The following TRPC7 variants were observed in gnomAD, a reference collection of about 807,000 sequenced individuals.
The protein encoded by TRPC7 is short transient receptor potential channel 7.
A neutral mutation model predicts 90.1 loss-of-function variants in TRPC7; 42 were observed. The ratio of observed to expected loss-of-function variants is 0.47; its 90% CI spans 0.36 to 0.60. The LOEUF (loss-of-function observed/expected upper bound fraction) is 0.60. TRPC7 is among the 20% of genes least tolerant of loss of function. TRPC7 has a pLI of 0.00. For missense variants in TRPC7, 955 were observed against 1,112.3 expected (o/e 0.86, Z 2.01); for synonymous variants, 451 against 436.3 (o/e 1.03, Z -0.42).
At chr5:136,347,694 T>A (rs1473843737) in intron 2 of TRPC7, among the ~76,000 whole-genome samples, 1 of 152,190 alleles carries the variant, frequency 6.6e-6, no homozygotes, top group Non-Finnish European at 1.5e-5. Flanking sequence ...CAAGGTCAAT[T>A]TTCCATCAAA....
intron 3 of TRPC7, among the ~76,000 whole-genome samples, chr5:136,314,798 C>T (rs1253004736): frequency 1.3e-5 from 2 of 152,184 alleles, no homozygotes; most frequent in East Asian, 1.9e-4. Flanking sequence ...GACCAAACAG[C>T]TCCTTTGCTT....
At chr5:136,362,975 C>A (rs1403849783) in intron 1 of TRPC7, among the ~76,000 whole-genome samples, 1 of 152,088 alleles carries the variant, frequency 6.6e-6, no homozygotes, top group African/African-American at 2.4e-5. Context: ...TACACTGGAG[C>A]TGTTGGTGTT....
At chr5:136,361,338 T>C (rs865942589) in intron 1 of TRPC7, among the ~76,000 whole-genome samples, 2 of 152,238 alleles carry the variant, frequency 1.3e-5, no homozygotes, top group Middle Eastern at 3.2e-3. Flanking sequence ...TAACATTTGA[T>C]GTCATTTGGA....
chr5:136,321,778 GC>G (rs1759206804), intron 2 of TRPC7, among the ~76,000 whole-genome samples: 1 of 152,112 alleles, frequency 6.6e-6, no homozygotes. Flanking sequence ...AAATTGAAGT[GC>G]CTTACAAATG....
chr5:136,331,785 A>C (rs906391009), intron 2 of TRPC7, among the ~76,000 whole-genome samples: 3 of 152,144 alleles, frequency 2.0e-5, no homozygotes, highest in Non-Finnish European at 4.4e-5. Flanking sequence ...GATAACACAC[A>C]AGTCAGTCAT....
intron 6 of TRPC7, among the ~76,000 whole-genome samples, chr5:136,249,299 TTAGTA>T (rs1756446443): frequency 6.6e-6 from 1 of 152,132 alleles, no homozygotes; most frequent in African/African-American, 2.4e-5. Flanking sequence ...TAAGAAACCT[TTAGTA>T]AAGGAAGCCA....
intron 3 of TRPC7, chr5:136,314,433 A>G (rs1259458989): frequency 1.3e-5 from 2 of 152,348 alleles, no homozygotes; most frequent in Non-Finnish European, 2.9e-5. Context: ...CTGCAGCCTG[A>G]TTCTCCCAAC....
At chr5:136,364,953 G>T (rs531377768) in intron 1 of TRPC7, among the ~76,000 whole-genome samples, 2 of 152,104 alleles carry the variant, frequency 1.3e-5, no homozygotes, top group South Asian at 4.2e-4. Context: ...GGAAAGAAGA[G>T]ACAACACCTA....
intron 1 of TRPC7, among the ~76,000 whole-genome samples, chr5:136,362,610 G>A (rs1390422247): frequency 6.6e-6 from 1 of 152,088 alleles, no homozygotes; most frequent in African/African-American, 2.4e-5. Flanking sequence ...TGAAGTGATG[G>A]TCAAATTAAT....
intron 5 of TRPC7, among the ~76,000 whole-genome samples, chr5:136,256,936 C>T (rs958439353): frequency 2.6e-5 from 4 of 152,122 alleles, no homozygotes; most frequent in Non-Finnish European, 4.4e-5. Flanking sequence ...TGATAACAAT[C>T]GCCTTTGGGG....
chr5:136,354,494 C>A (rs953354495), intron 2 of TRPC7, among the ~76,000 whole-genome samples: 2 of 152,164 alleles, frequency 1.3e-5, no homozygotes, highest in Non-Finnish European at 2.9e-5. Context: ...GCCTTTCTGT[C>A]CCTGGCTTAT....
At chr5:136,350,138 T>G (rs1760143896) in intron 2 of TRPC7, among the ~76,000 whole-genome samples, 1 of 152,182 alleles carries the variant, frequency 6.6e-6, no homozygotes, top group Non-Finnish European at 1.5e-5. Context: ...TGCTTAAGGA[T>G]GCATTTCTCA....
chr5:136,329,448 G>T (rs1314931947), intron 2 of TRPC7, among the ~76,000 whole-genome samples: 2 of 152,052 alleles, frequency 1.3e-5, no homozygotes, highest in Non-Finnish European at 2.9e-5. Context: ...ACAGGGTTGG[G>T]GCATGCTACC....
intron 2 of TRPC7, among the ~76,000 whole-genome samples, chr5:136,332,504 C>A (rs1376186616): frequency 6.6e-6 from 1 of 152,060 alleles, no homozygotes; most frequent in East Asian, 1.9e-4. Flanking sequence ...AGAGCAAAAG[C>A]AGGAAGAGCA....
chr5:136,220,135 C>G (rs1048978071), intron 10 of TRPC7, among the ~76,000 whole-genome samples: 7 of 152,194 alleles, frequency 4.6e-5, no homozygotes, highest in African/African-American at 1.7e-4. Flanking sequence ...GTGATGATTG[C>G]TTTAAGTGTA....
At chr5:136,311,157 G>C (rs930389719) in intron 3 of TRPC7, among the ~76,000 whole-genome samples, 10 of 152,130 alleles carry the variant, frequency 6.6e-5, no homozygotes, top group African/African-American at 2.4e-4. Context: ...CTAGAGGACT[G>C]ATATGCACAA....
intron 7 of TRPC7, 31 bp from the exon 8 acceptor site, chr5:136,231,580 G>C: frequency 6.5e-7 from 1 of 1,544,080 alleles, no homozygotes; most frequent in Non-Finnish European, 8.8e-7. Context: ...CTTTTACGCA[G>C]TTTGCATCAG....
chr5:136,357,346 G>A lies in TRPC7; in HGVS notation c.42C>T (p.His14=). The A allele has an allele frequency of 6.2e-7, 1 of 1,603,250 alleles. No homozygotes were observed. Among genetic ancestry groups the A allele is most frequent in the Non-Finnish European group, 8.5e-7 (1 of 1,179,708 alleles). Residue 14 remains histidine, a synonymous_variant, in exon 2 of 12, where the codon CAC becomes CAT. Transcript: ENST00000513104. ...GACGGCCCTTCTCCCTCAGCGTTGTGTGCCGGCGCTGCATGTTTTTGAAGG... is the reference window on the plus strand; with the variant it reads ...GACGGCCCTTCTCCCTCAGCGTTGTATGCCGGCGCTGCATGTTTTTGAAGG... ...NSTFKNMQRR[H]TTLREKGRRQ...
At chr5:136,232,366 C>T (rs960840544) in intron 7 of TRPC7, among the ~76,000 whole-genome samples, 1 of 152,238 alleles carries the variant, frequency 6.6e-6, no homozygotes, top group Non-Finnish European at 1.5e-5. Flanking sequence ...GAGCAGCTCA[C>T]TTAAGCCTCA....
Sources: gnomAD v4.1 joint callset for allele counts (sites outside exome capture counted in the v4.1 genomes callset) on GRCh38, gnomAD v4.1.1 for gene constraint, MANE v1.5 for transcripts, NCBI Gene and HGNC (gene_info 2026-07-23, HGNC 2026-07-21) for gene names.